SIPA1L1: variants seen among roughly 807,000 people sequenced by gnomAD.
SIPA1L1 encodes signal induced proliferation associated 1 like 1.
In SIPA1L1, 26 loss-of-function variants were observed where a neutral mutation model predicts 162.7. The ratio of observed to expected loss-of-function variants is 0.16; its 90% CI spans 0.12 to 0.22. The LOEUF is 0.22. SIPA1L1 is among the 10% of genes least tolerant of loss of function. SIPA1L1 has a pLI of 1.00. For synonymous variants in SIPA1L1, 829 were observed against 837.4 expected, an observed-to-expected ratio of 0.99 and a Z score of 0.17; for missense variants, 1,874 against 2,241.0, an observed-to-expected ratio of 0.84 and a Z score of 3.31.
intron 4 of SIPA1L1, among the ~76,000 whole-genome samples, chr14:71,582,673 A>G (rs1596266198): frequency 1.3e-5 from 2 of 152,108 alleles, no homozygotes; most frequent in Admixed American, 1.3e-4. Context: ...CACTTTGTTA[A>G]TTTTACCAAA....
chr14:71,366,254 A>G (rs2038285334), intron 2 of SIPA1L1, among the ~76,000 whole-genome samples: 1 of 152,114 alleles, frequency 6.6e-6, no homozygotes, highest in African/African-American at 2.4e-5. Context: ...ACTAGAATCC[A>G]GGTCTTTTGA....
intron 13 of SIPA1L1, 59 bp from the exon 14 acceptor site, chr14:71,698,922 G>A (rs1420989476): frequency 4.7e-5 from 74 of 1,577,548 alleles, no homozygotes; most frequent in Non-Finnish European, 6.2e-5. Context: ...TCCATCATGC[G>A]TTGCCTTGGG....
At chr14:71,594,296 G>A (rs2035773450) in intron 5 of SIPA1L1, among the ~76,000 whole-genome samples, 1 of 152,138 alleles carries the variant, frequency 6.6e-6, no homozygotes, top group Non-Finnish European at 1.5e-5. Context: ...TCAAGTTCCA[G>A]TCTGTCAAAT....
At chr14:71,436,125 T>A (rs1159806075) in intron 2 of SIPA1L1, among the ~76,000 whole-genome samples, 3 of 152,220 alleles carry the variant, frequency 2.0e-5, no homozygotes, top group Non-Finnish European at 2.9e-5. Flanking sequence ...TAAGAACAAT[T>A]TCCCTTTCTG....
intron 2 of SIPA1L1, among the ~76,000 whole-genome samples, chr14:71,493,131 C>G (rs1182213802): frequency 6.6e-6 from 1 of 152,112 alleles, no homozygotes; most frequent in Non-Finnish European, 1.5e-5. Context: ...GTCACCCAGG[C>G]TGGAGTGCAG....
chr14:71,703,860 C>G (rs1233831609), intron 15 of SIPA1L1, among the ~76,000 whole-genome samples: 1 of 152,172 alleles, frequency 6.6e-6, no homozygotes, highest in Admixed American at 6.5e-5. Context: ...TGTTCATTCT[C>G]TCACACAAAC....
chr14:71,489,424 A>G (rs14030), intron 2 of SIPA1L1, among the ~76,000 whole-genome samples: 1 of 152,108 alleles, frequency 6.6e-6, no homozygotes, highest in Non-Finnish European at 1.5e-5. Context: ...AGAATTGAGT[A>G]TGGTTTCTCT....
At chr14:71,732,681 G>C (rs1265114583) in intron 20 of SIPA1L1, among the ~76,000 whole-genome samples, 1 of 152,148 alleles carries the variant, frequency 6.6e-6, no homozygotes, top group Non-Finnish European at 1.5e-5. Context: ...CCCAAAATTG[G>C]TCCAAAGAAT....
intron 14 of SIPA1L1, among the ~76,000 whole-genome samples, chr14:71,699,962 A>G (rs1033400543): frequency 6.6e-6 from 1 of 152,256 alleles, no homozygotes; most frequent in Non-Finnish European, 1.5e-5. Flanking sequence ...TCTCTGAACA[A>G]AGAACAATTA....
At chr14:71,405,848 T>C (rs553221023) in intron 2 of SIPA1L1, among the ~76,000 whole-genome samples, 2 of 152,318 alleles carry the variant, frequency 1.3e-5, no homozygotes, top group Non-Finnish European at 1.5e-5. Context: ...ATCTCACATG[T>C]AGGGCAGAAT....
chr14:71,699,222 C>A, intron 14 of SIPA1L1, 95 bp downstream of exon 14: 1 of 1,206,872 alleles, frequency 8.3e-7, no homozygotes, highest in Non-Finnish European at 1.2e-6. Flanking sequence ...TTCAGCCAGC[C>A]TTGATCAATT....
At chr14:71,651,668 AAC>A (rs1349224158) in intron 8 of SIPA1L1, among the ~76,000 whole-genome samples, 1 of 152,174 alleles carries the variant, frequency 6.6e-6, no homozygotes, top group Non-Finnish European at 1.5e-5. Context: ...CACTACCACA[AAC>A]AGTTATTGAA....
intron 4 of SIPA1L1, among the ~76,000 whole-genome samples, chr14:71,565,253 C>T (rs1033897686): frequency 6.6e-6 from 1 of 152,100 alleles, no homozygotes; most frequent in Non-Finnish European, 1.5e-5. Flanking sequence ...TATAACACAA[C>T]CTTTTCAGTT....
intron 2 of SIPA1L1, among the ~76,000 whole-genome samples, chr14:71,387,335 G>A (rs1012331844): frequency 5.3e-5 from 8 of 151,654 alleles, no homozygotes; most frequent in Non-Finnish European, 1.2e-4. Flanking sequence ...ACTAGGCCAG[G>A]TGTGCTGGTA....
chr14:71,416,721 AC>A (rs2042789623), intron 2 of SIPA1L1, among the ~76,000 whole-genome samples: 1 of 12,594 alleles, frequency 7.9e-5, no homozygotes, highest in Non-Finnish European at 4.5e-4. Flanking sequence ...AGAAAAATCT[AC>A]ACACACACAC....
intron 2 of SIPA1L1, among the ~76,000 whole-genome samples, chr14:71,395,233 A>T (rs1234803265): frequency 6.6e-6 from 1 of 152,210 alleles, no homozygotes; most frequent in African/African-American, 2.4e-5. Flanking sequence ...GCCACAGAGC[A>T]TGTGTTGTTT....
intron 4 of SIPA1L1, among the ~76,000 whole-genome samples, chr14:71,538,804 T>A (rs1208263269): frequency 6.6e-6 from 1 of 152,188 alleles, no homozygotes; most frequent in Non-Finnish European, 1.5e-5. Context: ...TCTGTTGCAG[T>A]GCTTGATAAA....
intron 7 of SIPA1L1, among the ~76,000 whole-genome samples, chr14:71,646,280 C>T (rs2042158517): frequency 6.6e-6 from 1 of 151,810 alleles, no homozygotes; most frequent in African/African-American, 2.4e-5. Context: ...GGGTTCACGC[C>T]ATTCTCCTGC....
At chr14:71,505,416 T>C (rs935973968) in intron 2 of SIPA1L1, among the ~76,000 whole-genome samples, 1 of 144,246 alleles carries the variant, frequency 6.9e-6, no homozygotes, top group Non-Finnish European at 1.6e-5. Context: ...AGCTCTCTCT[T>C]TCTTCTTTTT....
Sources: allele counts gnomAD v4.1 joint callset (sites outside exome capture counted in the v4.1 genomes callset), GRCh38; gene constraint gnomAD v4.1.1; transcripts MANE v1.5; gene names NCBI Gene and HGNC (gene_info 2026-07-23, HGNC 2026-07-21).